PCDHGA10: variants seen among roughly 807,000 people sequenced by gnomAD.
The protein encoded by PCDHGA10 is protocadherin gamma-A10.
In PCDHGA10, 42 loss-of-function variants were observed where a neutral mutation model predicts 59.5. That is an observed-to-expected ratio of 0.71 (90% CI 0.55 to 0.91). PCDHGA10 has a LOEUF of 0.91. PCDHGA10 is among the 40% of genes least tolerant of loss of function. The pLI is 0.00. For synonymous variants in PCDHGA10, 511 were observed against 517.2 expected (o/e 0.99, Z 0.16); for missense variants, 1,111 against 1,198.2 (o/e 0.93, Z 1.07).
intron 1 of PCDHGA10, among the ~76,000 whole-genome samples, chr5:141,459,184 G>GC (rs2098963022): frequency 6.6e-6 from 1 of 152,134 alleles, no homozygotes; most frequent in South Asian, 2.1e-4. Flanking sequence ...GTTCCCTCAT[G>GC]CCCCTTTGCA....
chr5:141,454,796 ATTTTTTTTTTTTTTTTTT>A (rs61612330), intron 1 of PCDHGA10, among the ~76,000 whole-genome samples: 1 of 77,408 alleles, frequency 1.3e-5, no homozygotes, highest in Non-Finnish European at 2.3e-5. Flanking sequence ...CATGGTTCTA[ATTTTTTTTTTTTTTTTTT>A]TTTTTTTTTT....
chr5:141,424,055 C>A, intron 1 of PCDHGA10: 2 of 1,007,784 alleles, frequency 2.0e-6, no homozygotes, highest in Non-Finnish European at 1.2e-6. Context: ...TTTTGCTGTG[C>A]CTTCACTGAT....
intron 1 of PCDHGA10, among the ~76,000 whole-genome samples, chr5:141,482,048 G>A (rs375214441): frequency 1.3e-5 from 2 of 150,044 alleles, no homozygotes; most frequent in Non-Finnish European, 2.9e-5. Flanking sequence ...TCATGCTGTT[G>A]CATTCCAGCC....
chr5:141,430,944 G>C (rs1417018095), intron 1 of PCDHGA10: 1 of 1,609,214 alleles, frequency 6.2e-7, no homozygotes, highest in Non-Finnish European at 8.5e-7. Flanking sequence ...CTCGCGGAGC[G>C]CGGAGTCCGC....
Position 141,432,909 on chromosome 5 carries a change from G to A in PCDHGA10, c.2436+17298G>A, listed in dbSNP as rs773372764. On this transcript the variant is annotated intron_variant, in intron 1 of 3. Coordinates refer to ENST00000398610, the MANE Select transcript of PCDHGA10 (RefSeq NM_018913.3). The surrounding 1 kb of genome is among the most constrained non-coding windows in gnomAD (Gnocchi z 6.0). ...ATCTTGCTGCTGGCGCTCAGGCTGCGGCGCTGGCACAAGTCACGCCTGCTG... is the reference window on the plus strand; with the variant it reads ...ATCTTGCTGCTGGCGCTCAGGCTGCAGCGCTGGCACAAGTCACGCCTGCTG... 9 of 1,614,038 alleles carry A rather than the reference G, an allele frequency of 5.6e-6. No homozygotes were observed. The highest frequency in any genetic ancestry group is 4.5e-5 in the East Asian group (2 of 44,880).
chr5:141,477,265 G>A lies in PCDHGA10; in HGVS notation c.2437-17542G>A. The A allele has an allele frequency of 6.2e-7, 1 of 1,614,198 alleles. No individual in the cohort carries two copies. Among genetic ancestry groups the A allele is most frequent in the African/African-American group, 1.3e-5 (1 of 75,048 alleles). On this transcript the variant is annotated intron_variant, in intron 1 of 3. Transcript: ENST00000398610. The surrounding 1 kb of genome is among the most constrained non-coding windows in gnomAD (Gnocchi z 4.9). ...GTGTGACTGACCTGGATGCTGGCGA[G>A]AACGGGCTGGTGACCTGCGAAGTTC...
At chr5:141,430,100 C>T (rs6874907) in intron 1 of PCDHGA10, among the ~76,000 whole-genome samples, 7,606 of 152,160 alleles carry the variant, frequency 0.05, 372 homozygotes, top group African/African-American at 0.13. Context: ...GATTTTTAAG[C>T]GTTACATGTC....
intron 2 of PCDHGA10, among the ~76,000 whole-genome samples, chr5:141,502,537 G>A (rs900570745): frequency 2.0e-5 from 3 of 152,042 alleles, no homozygotes; most frequent in Admixed American, 6.6e-5. Context: ...GTTTGTTCGT[G>A]TGGTAAAAAC....
intron 1 of PCDHGA10, chr5:141,428,862 T>TC (rs1345604550): frequency 2.7e-5 from 2 of 74,856 alleles, no homozygotes; most frequent in African/African-American, 2.0e-4. Flanking sequence ...ACGGGAGACT[T>TC]TTTTTTTTTT....
chr5:141,454,587 G>A (rs1000852095), intron 1 of PCDHGA10, among the ~76,000 whole-genome samples: 22 of 150,902 alleles, frequency 1.5e-4, no homozygotes, highest in African/African-American at 5.4e-4. Context: ...TGTATTTTTA[G>A]TAGAGACAGG....
Position 141,478,910 on chromosome 5 carries a change from A to G in PCDHGA10, c.2437-15897A>G, listed in dbSNP as rs568573298. On this transcript the variant is annotated intron_variant, in intron 1 of 3. Transcript: ENST00000398610. ...ATTTACATTAGGAATAAGCTGCTGG[A>G]TACCTCTAACCAGTGGCAGCTTCTA... 5.3e-4 allele frequency: 474 copies of G among 893,806 alleles called. 7 individuals are homozygous for G. The South Asian group carries it at 6.8e-3, about 13-fold the overall frequency. 55.4% of individuals were successfully genotyped at this position (893,806 alleles called of 1,614,324 possible).
chr5:141,463,965 C>T (rs1207852177), intron 1 of PCDHGA10, among the ~76,000 whole-genome samples: 1 of 151,648 alleles, frequency 6.6e-6, no homozygotes, highest in African/African-American at 2.4e-5. Context: ...AAAATAGCTT[C>T]ATAAAACTCC....
rs925541311 is a variant in PCDHGA10 at position 141,431,452 on chromosome 5, G to C, written c.2436+15841G>C. 11 of 1,613,630 alleles carry C rather than the reference G, an allele frequency of 6.8e-6. No individual in the cohort carries two copies. The highest frequency in any genetic ancestry group is 9.3e-6 in the Non-Finnish European group (11 of 1,179,982). On this transcript the variant is annotated intron_variant, in intron 1 of 3. Transcript: ENST00000398610. The surrounding 1 kb of genome is among the most constrained non-coding windows in gnomAD (Gnocchi z 4.8). ...CAGGCACCGCGCGCATCCGCGTGAT[G>C]GTTCTGGATGCGAACGACAACGCAC...
chr5:141,432,035 G>C lies in PCDHGA10; in HGVS notation c.2436+16424G>C. 6 of 1,614,218 alleles carry C rather than the reference G, an allele frequency of 3.7e-6. No homozygotes were observed. Among genetic ancestry groups the C allele is most frequent in the Non-Finnish European group, 5.1e-6 (6 of 1,180,046 alleles). ...CTACAACATCACAGTGACCGCCACT[G>C]ACCGGGGAACCCCGCCCCTATCCAC... On this transcript the variant is annotated intron_variant, in intron 1 of 3. Coordinates refer to ENST00000398610, the MANE Select transcript of PCDHGA10 (RefSeq NM_018913.3). The surrounding 1 kb of genome is among the most constrained non-coding windows in gnomAD (Gnocchi z 6.0).
intron 1 of PCDHGA10, among the ~76,000 whole-genome samples, chr5:141,467,320 T>C (rs1593065881): frequency 6.6e-6 from 1 of 152,322 alleles, no homozygotes; most frequent in African/African-American, 2.4e-5. Flanking sequence ...CCCACAGTGC[T>C]GGGATTAGAG....
chr5:141,451,216 A>G (rs1561943760), intron 1 of PCDHGA10, among the ~76,000 whole-genome samples: 1 of 152,204 alleles, frequency 6.6e-6, no homozygotes, highest in Non-Finnish European at 1.5e-5. Context: ...TTAGTGGCTT[A>G]AAAGAAGCAT....
intron 2 of PCDHGA10, among the ~76,000 whole-genome samples, chr5:141,500,212 ATT>A (rs1336187706): frequency 5.4e-5 from 8 of 148,798 alleles, no homozygotes; most frequent in African/African-American, 2.0e-4. Context: ...TTATTTATTT[ATT>A]TATTTATTTA....
At chr5:141,467,273 G>T (rs879618653) in intron 1 of PCDHGA10, among the ~76,000 whole-genome samples, 1 of 151,828 alleles carries the variant, frequency 6.6e-6, no homozygotes, top group Admixed American at 6.6e-5. Context: ...GGCTGGTCTC[G>T]AACTCTTGAC....
rs1345498022 is a variant in PCDHGA10 at position 141,493,312 on chromosome 5, A to G, written c.2437-1495A>G. On this transcript the variant is annotated intron_variant, in intron 1 of 3. Coordinates refer to ENST00000398610, the MANE Select transcript of PCDHGA10 (RefSeq NM_018913.3). This position sits in a 1 kb window ranked among gnomAD's most constrained non-coding sequence, Gnocchi z 4.3. ...CTCAAGTTCACAGAGCAAGTAAGAG[A>G]GATTCTAACCCCTGTCTAACTCCAG... 6.6e-6 allele frequency among the ~76,000 whole-genome samples: 1 copy of G among 152,174 alleles called. No individual in the cohort carries two copies. Among genetic ancestry groups the G allele is most frequent in the Non-Finnish European group, 1.5e-5 (1 of 68,028 alleles).
Sources: allele counts gnomAD v4.1 joint callset (sites outside exome capture counted in the v4.1 genomes callset), GRCh38; gene constraint gnomAD v4.1.1; non-coding constraint Gnocchi (gnomAD v3.1); transcripts MANE v1.5; gene names NCBI Gene and HGNC (gene_info 2026-07-23, HGNC 2026-07-21).